The following COL26A1 variants were observed in gnomAD, a reference collection of about 807,000 sequenced individuals.
COL26A1 encodes collagen alpha-1(XXVI) chain.
COL26A1 carries 41 observed loss-of-function variants against 59.3 expected under a neutral mutation model. The ratio of observed to expected loss-of-function variants is 0.69; its 90% CI spans 0.54 to 0.90. The LOEUF (loss-of-function observed/expected upper bound fraction) is 0.90, where lower values mean the gene tolerates loss of function less well. Among genes scored for constraint, COL26A1 ranks in the 40% least tolerant of loss-of-function variants. COL26A1 has a pLI of 0.00. For missense variants in COL26A1, 612 were observed against 602.3 expected (o/e 1.02, Z -0.17); for synonymous variants, 266 against 256.0 (o/e 1.04, Z -0.37).
intron 3 of COL26A1, among the ~76,000 whole-genome samples, chr7:101,449,704 C>T (rs528159168): frequency 1.4e-4 from 22 of 152,240 alleles, no homozygotes; most frequent in Non-Finnish European, 8.8e-5. Flanking sequence ...TGTGTGTATA[C>T]ACACACACAT....
chr7:101,369,357 A>G (rs927732409), intron 1 of COL26A1, among the ~76,000 whole-genome samples: 1 of 150,610 alleles, frequency 6.6e-6, no homozygotes, highest in Admixed American at 6.6e-5. Context: ...CAGTGAGCTG[A>G]GATCACGTCA....
intron 3 of COL26A1, among the ~76,000 whole-genome samples, chr7:101,518,872 C>T (rs1408395107): frequency 6.6e-6 from 1 of 152,040 alleles, no homozygotes; most frequent in Non-Finnish European, 1.5e-5. Context: ...ACATTGTAAC[C>T]CAGCTTCCTT....
intron 2 of COL26A1, among the ~76,000 whole-genome samples, chr7:101,439,080 T>C (rs962179335): frequency 7.2e-5 from 11 of 151,738 alleles, no homozygotes; most frequent in Admixed American, 7.2e-4. Flanking sequence ...ATTCCTGGAG[T>C]CTGGTGGTTT....
intron 3 of COL26A1, among the ~76,000 whole-genome samples, chr7:101,480,015 G>T (rs959863317): frequency 6.6e-6 from 1 of 151,970 alleles, no homozygotes. Flanking sequence ...AAGAGTCAGG[G>T]TCTCACTAGT....
intron 3 of COL26A1, among the ~76,000 whole-genome samples, chr7:101,489,026 C>T (rs1224112030): frequency 6.6e-6 from 1 of 152,160 alleles, no homozygotes; most frequent in African/African-American, 2.4e-5. Flanking sequence ...AGCAGCATTC[C>T]GTGTTTGCCT....
intron 3 of COL26A1, among the ~76,000 whole-genome samples, chr7:101,486,805 A>G (rs1794279028): frequency 6.6e-6 from 1 of 152,200 alleles, no homozygotes; most frequent in Non-Finnish European, 1.5e-5. Context: ...CCTCCTGCCC[A>G]GCGGATCAGA....
intron 1 of COL26A1, among the ~76,000 whole-genome samples, chr7:101,370,088 C>T (rs899245825): frequency 6.6e-6 from 1 of 151,668 alleles, no homozygotes; most frequent in Non-Finnish European, 1.5e-5. Flanking sequence ...CTCAAACTCC[C>T]GACTTCAGGT....
intron 1 of COL26A1, among the ~76,000 whole-genome samples, chr7:101,381,250 C>T (rs576868840): frequency 2.9e-4 from 44 of 152,278 alleles, no homozygotes; most frequent in African/African-American, 9.1e-4. Flanking sequence ...CATTCCTTGA[C>T]TTGTACCTCC....
At chr7:101,544,220 A>C in intron 6 of COL26A1, 124 bp downstream of exon 6, 1 of 659,684 alleles carries the variant, frequency 1.5e-6, no homozygotes, top group Non-Finnish European at 2.5e-6. Flanking sequence ...TACCAGAAAA[A>C]CGGGGTCTTT....
chr7:101,529,690 T>A (rs1374953192), intron 3 of COL26A1, among the ~76,000 whole-genome samples: 2 of 152,234 alleles, frequency 1.3e-5, no homozygotes, highest in African/African-American at 4.8e-5. Context: ...GATCTTCTGC[T>A]TCTGAGTTTG....
chr7:101,369,323 C>CT (rs1791127769), intron 1 of COL26A1, among the ~76,000 whole-genome samples: 2 of 151,692 alleles, frequency 1.3e-5, no homozygotes, highest in East Asian at 3.9e-4. Flanking sequence ...AGGAGAATTG[C>CT]TTGAACCCAG....
intron 1 of COL26A1, among the ~76,000 whole-genome samples, chr7:101,418,306 C>G (rs1255262758): frequency 1.4e-5 from 2 of 139,348 alleles, no homozygotes; most frequent in Non-Finnish European, 3.3e-5. Flanking sequence ...TCTGTGCCCC[C>G]ATGTGGCTCC....
chr7:101,453,003 C>T (rs533439768), intron 3 of COL26A1, among the ~76,000 whole-genome samples: 1 of 152,236 alleles, frequency 6.6e-6, no homozygotes, highest in South Asian at 2.1e-4. Context: ...TGCCCGCCCC[C>T]GCCTCCCAAA....
At chr7:101,553,238 A>G in intron 10 of COL26A1, 88 bp from the exon 11 acceptor site, 3 of 1,209,858 alleles carry the variant, frequency 2.5e-6, no homozygotes, top group Non-Finnish European at 3.6e-6. Flanking sequence ...CCTGCCCCTG[A>G]CTCCCTGCAG....
intron 3 of COL26A1, among the ~76,000 whole-genome samples, chr7:101,520,662 A>ACACACACACACACACACACACACCCCCCC (rs915256077): frequency 7.0e-6 from 1 of 143,240 alleles, no homozygotes; most frequent in African/African-American, 2.6e-5. Context: ...ACACACACAC[A>ACACACACACACACACACACACACCCCCCC]CCCCCGTGTT....
At chr7:101,396,102 C>A (rs1360220809) in intron 1 of COL26A1, among the ~76,000 whole-genome samples, 1 of 151,802 alleles carries the variant, frequency 6.6e-6, no homozygotes, top group African/African-American at 2.4e-5. Context: ...TACCAAAAAA[C>A]CAAAAAAACA....
At chr7:101,471,020 C>T (rs1235043774) in intron 3 of COL26A1, among the ~76,000 whole-genome samples, 2 of 152,040 alleles carry the variant, frequency 1.3e-5, no homozygotes, top group African/African-American at 4.8e-5. Context: ...TTAGGGGCTC[C>T]ACGCTAGCAA....
rs138196013 is a variant in COL26A1 at position 101,407,742 on chromosome 7, G to A, written c.159-12235G>A. ...AAAACATACCCCCTAGCACCATAACGATTTACCATTGCCATGGCAACACCC... is the reference window on the plus strand; with the variant it reads ...AAAACATACCCCCTAGCACCATAACAATTTACCATTGCCATGGCAACACCC... On this transcript the variant is annotated intron_variant, in intron 1 of 12. Coordinates refer to ENST00000313669, the MANE Select transcript of COL26A1 (RefSeq NM_001278563.3). Among the ~76,000 whole-genome samples the A allele has an allele frequency of 2.0e-5, 3 of 151,892 alleles. No homozygotes were observed. The East Asian group carries it at 5.8e-4, about 29-fold the overall frequency.
intron 1 of COL26A1, among the ~76,000 whole-genome samples, chr7:101,402,227 C>T (rs938408006): frequency 1.3e-5 from 2 of 152,152 alleles, no homozygotes; most frequent in Non-Finnish European, 2.9e-5. Flanking sequence ...GTGATGTGAT[C>T]GTGTCGGATG....
Sources: allele counts gnomAD v4.1 joint callset (sites outside exome capture counted in the v4.1 genomes callset), GRCh38; gene constraint gnomAD v4.1.1; transcripts MANE v1.5; gene names NCBI Gene and HGNC (gene_info 2026-07-23, HGNC 2026-07-21).